ZCCHC7: variants seen among roughly 807,000 people sequenced by gnomAD.
ZCCHC7 encodes the protein zinc finger CCHC domain-containing protein 7.
Under a neutral mutation model 52.0 loss-of-function variants are expected in ZCCHC7, and 35 were observed. The ratio of observed to expected loss-of-function variants is 0.67; its 90% CI spans 0.51 to 0.89. The LOEUF is 0.89. Among genes scored for constraint, ZCCHC7 ranks in the 40% least tolerant of loss-of-function variants. ZCCHC7 has a pLI of 0.00. For synonymous variants in ZCCHC7, 217 were observed against 221.5 expected, an observed-to-expected ratio of 0.98 and a Z score of 0.18; for missense variants, 574 against 649.1, an observed-to-expected ratio of 0.88 and a Z score of 1.26.
chr9:37,192,595 A>G (rs906447352), intron 2 of ZCCHC7, among the ~76,000 whole-genome samples: 9 of 152,224 alleles, frequency 5.9e-5, no homozygotes, highest in African/African-American at 1.9e-4. Context: ...GTAATTGGCT[A>G]TTTCTTGAAG....
At chr9:37,267,867 C>T (rs1827193296) in intron 2 of ZCCHC7, among the ~76,000 whole-genome samples, 1 of 152,086 alleles carries the variant, frequency 6.6e-6, no homozygotes. Context: ...CCGCGCCCGG[C>T]CTAATTTTTT....
At chr9:37,211,811 G>A (rs1386135526) in intron 2 of ZCCHC7, among the ~76,000 whole-genome samples, 1 of 151,894 alleles carries the variant, frequency 6.6e-6, no homozygotes, top group East Asian at 1.9e-4. Flanking sequence ...GGCGGATCAC[G>A]AGGTCAGGAG....
At chr9:37,318,420 CATTGCACT>C (rs1829915927) in intron 5 of ZCCHC7, among the ~76,000 whole-genome samples, 2 of 151,490 alleles carry the variant, frequency 1.3e-5, no homozygotes, top group South Asian at 4.2e-4. Flanking sequence ...GCGATTGCAC[CATTGCACT>C]CTAGCCTGGA....
intron 2 of ZCCHC7, among the ~76,000 whole-genome samples, chr9:37,196,539 C>T (rs2133131216): frequency 6.6e-6 from 1 of 152,104 alleles, no homozygotes; most frequent in South Asian, 2.1e-4. Context: ...TATAGTAGAA[C>T]CTATTCTTTA....
At chr9:37,289,825 G>A (rs1222697889) in intron 2 of ZCCHC7, among the ~76,000 whole-genome samples, 1 of 152,170 alleles carries the variant, frequency 6.6e-6, no homozygotes, top group Non-Finnish European at 1.5e-5. Context: ...ATACTGGCCT[G>A]TCTCCGGTTC....
intron 2 of ZCCHC7, among the ~76,000 whole-genome samples, chr9:37,169,785 G>C (rs911307751): frequency 6.6e-6 from 1 of 151,838 alleles, no homozygotes; most frequent in African/African-American, 2.4e-5. Context: ...TTTTTGGCTG[G>C]CTCTGGCAAC....
intron 2 of ZCCHC7, among the ~76,000 whole-genome samples, chr9:37,230,978 G>A (rs717546): frequency 0.57 from 86,112 of 151,830 alleles, 25,098 homozygotes; most frequent in African/African-American, 0.7. Flanking sequence ...TAGGACACCC[G>A]GGCTGGATTG....
chr9:37,300,968 T>C (rs1333746388), intron 2 of ZCCHC7, among the ~76,000 whole-genome samples: 1 of 152,238 alleles, frequency 6.6e-6, no homozygotes, highest in East Asian at 1.9e-4. Flanking sequence ...GATTAATCAG[T>C]GGTTTCTGGA....
chr9:37,229,074 A>G (rs1825269820), intron 2 of ZCCHC7, among the ~76,000 whole-genome samples: 1 of 152,038 alleles, frequency 6.6e-6, no homozygotes, highest in Non-Finnish European at 1.5e-5. Flanking sequence ...AGCTCAAGCA[A>G]TCTGCCCTCC....
chr9:37,305,585 C>G lies in ZCCHC7; in HGVS notation c.822C>G (p.Leu274=). Residue 274 remains leucine (L), a synonymous_variant, in exon 5 of 9, where the codon CTC becomes CTG. Transcript: ENST00000336755. ...TCCTGTGCTCCAGGAGAGGACATCT[C>G]CTGTATTCCTGTCCAGCCCCCCTTT... The part of the protein sequence containing the change: ...RCFLCSRRGH[L]LYSCPAPLCE... 1 of 1,614,082 alleles carries G rather than the reference C, an allele frequency of 6.2e-7. No individual in the cohort carries two copies. The highest frequency in any genetic ancestry group is 8.5e-7 in the Non-Finnish European group (1 of 1,180,012).
intron 2 of ZCCHC7, among the ~76,000 whole-genome samples, chr9:37,221,393 A>G (rs1824801780): frequency 6.6e-6 from 1 of 152,226 alleles, no homozygotes; most frequent in African/African-American, 2.4e-5. Flanking sequence ...TATAAATGAC[A>G]TCACCATGGT....
intron 5 of ZCCHC7, among the ~76,000 whole-genome samples, chr9:37,310,982 C>T (rs1426770969): frequency 7.0e-6 from 1 of 142,160 alleles, no homozygotes; most frequent in Non-Finnish European, 1.5e-5. Context: ...AAAAAAAAAT[C>T]AATATATTAT....
chr9:37,266,406 A>G (rs1384398228), intron 2 of ZCCHC7, among the ~76,000 whole-genome samples: 2 of 152,212 alleles, frequency 1.3e-5, no homozygotes, highest in Non-Finnish European at 2.9e-5. Flanking sequence ...GTAAAGAGCT[A>G]TAAAGTTCTT....
At position 37,194,116 on chromosome 9, in the gene ZCCHC7, CA is replaced by C. The variant is rs564453624; in HGVS notation, c.610+67177del. Among the ~76,000 whole-genome samples, 5 of 152,226 alleles carry C rather than the reference CA, an allele frequency of 3.3e-5. No homozygotes were observed. The East Asian group carries it at 7.7e-4, about 24-fold the overall frequency. On this transcript the variant is annotated intron_variant, in intron 2 of 8. Transcript: ENST00000336755. ...TTGTAGTTAGGGTGAAGTTTTCATA[CA>C]AATGTGGATATATTGAAGACAAACT...
intron 2 of ZCCHC7, among the ~76,000 whole-genome samples, chr9:37,180,019 A>G (rs1396502621): frequency 1.3e-5 from 2 of 152,170 alleles, no homozygotes; most frequent in Non-Finnish European, 2.9e-5. Context: ...CCATAAGGAC[A>G]AGGAGAAAGA....
In ZCCHC7 at chr9:37,235,289, A is replaced by G. The variant is rs757416506; in HGVS notation, c.611-66899A>G. Among the ~76,000 whole-genome samples, 10 of 152,076 alleles carry G rather than the reference A, an allele frequency of 6.6e-5. No homozygotes were observed. The South Asian group carries it at 1.4e-3, about 22-fold the overall frequency. ...CTTTGGCCAGTCTCTGGTAACCACT[A>G]TTCTACCCTGTACATCTGTGAGAGC... On this transcript the variant is annotated intron_variant, in intron 2 of 8. Transcript: ENST00000336755.
At chr9:37,224,096 A>C (rs565953099) in intron 2 of ZCCHC7, among the ~76,000 whole-genome samples, 1 of 152,182 alleles carries the variant, frequency 6.6e-6, no homozygotes, top group African/African-American at 2.4e-5. Flanking sequence ...TTAAATATTA[A>C]TAAAGGGGTC....
At chr9:37,225,168 G>A (rs1825029495) in intron 2 of ZCCHC7, among the ~76,000 whole-genome samples, 1 of 152,114 alleles carries the variant, frequency 6.6e-6, no homozygotes, top group Admixed American at 6.5e-5. Flanking sequence ...ATGCAAGGAG[G>A]AACATCACAC....
chr9:37,302,163 A>G (rs768808489), intron 2 of ZCCHC7, 25 bp from the exon 3 acceptor site: 1 of 1,591,684 alleles, frequency 6.3e-7, no homozygotes, highest in East Asian at 2.2e-5. Flanking sequence ...TGCCACGGTT[A>G]AGTAATAATT....
Sources: allele counts gnomAD v4.1 joint callset (sites outside exome capture counted in the v4.1 genomes callset), GRCh38; gene constraint gnomAD v4.1.1; transcripts MANE v1.5; gene names NCBI Gene and HGNC (gene_info 2026-07-23, HGNC 2026-07-21).